Variants in SCML2 observed in about 807,000 individuals in gnomAD.
SCML2 encodes the protein Scm polycomb group protein like 2.
SCML2 carries 6 observed loss-of-function variants against 48.4 expected under a neutral mutation model. The ratio of observed to expected loss-of-function variants is 0.12; its 90% CI spans 0.07 to 0.24. SCML2 has a LOEUF of 0.24. Ranked by LOEUF, SCML2 falls within the 10% of genes least tolerant of loss-of-function variation. The pLI, the probability that SCML2 is intolerant of heterozygous loss-of-function variation, is 1.00. For missense variants in SCML2, 377 were observed against 528.2 expected, an observed-to-expected ratio of 0.71 and a Z score of 2.81; for synonymous variants, 181 against 189.5, an observed-to-expected ratio of 0.95 and a Z score of 0.37.
chrX:18,259,985 T>G (rs1047232899), intron 9 of SCML2, among the ~76,000 whole-genome samples, 186 bp downstream of exon 9: 2 of 112,237 alleles, frequency 1.8e-5, no homozygotes, highest in Non-Finnish European at 3.8e-5. Context: ...ATTTAAAGAC[T>G]TTTTCCTTAA....
chrX:18,344,542 G>A (rs1747685139), intron 1 of SCML2, among the ~76,000 whole-genome samples: 1 of 111,714 alleles, frequency 9.0e-6, no homozygotes, highest in Admixed American at 9.5e-5. Context: ...GAGGGAACCG[G>A]TGGGAGATAA....
chrX:18,301,498 G>A (rs890823371), intron 7 of SCML2, among the ~76,000 whole-genome samples: 3 of 112,500 alleles, frequency 2.7e-5, no homozygotes, highest in African/African-American at 9.7e-5. Context: ...AGGGCTAGGT[G>A]TGGTGGCTCA....
intron 8 of SCML2, among the ~76,000 whole-genome samples, chrX:18,263,132 A>G (rs777602307): frequency 1.9e-5 from 2 of 103,266 alleles, no homozygotes; most frequent in East Asian, 6.3e-4. Flanking sequence ...TTTTAGCTAT[A>G]ATTCTTTGCA....
chrX:18,327,001 G>A (rs1412339698), intron 3 of SCML2, among the ~76,000 whole-genome samples: 2 of 111,382 alleles, frequency 1.8e-5, no homozygotes, highest in Non-Finnish European at 3.8e-5. Flanking sequence ...CAGACCAGAT[G>A]TTTCAGTGAT....
At chrX:18,292,590 T>C (rs1411520758) in intron 7 of SCML2, among the ~76,000 whole-genome samples, 1 of 111,216 alleles carries the variant, frequency 9.0e-6, no homozygotes, top group Admixed American at 9.6e-5. Flanking sequence ...TCATTTTATT[T>C]ACTTTAAAGC....
At chrX:18,283,103 G>A (rs1379579285) in intron 7 of SCML2, among the ~76,000 whole-genome samples, 2 of 111,894 alleles carry the variant, frequency 1.8e-5, no homozygotes, top group Admixed American at 1.9e-4. Context: ...AATTCACCAC[G>A]ATCAAGCAGG....
rs762879933 is a variant in SCML2, at chrX:18,250,697, AAATCAACT to A, written c.1457-2823_1457-2816del. 4.5e-3 allele frequency among the ~76,000 whole-genome samples: 499 copies of A among 110,985 alleles called. 5 individuals are homozygous for A. The highest frequency in any genetic ancestry group is 0.015 in the African/African-American group (469 of 30,488). On this transcript the variant is annotated intron_variant, in intron 11 of 14. Transcript: ENST00000251900. ...TGTACCCGACCTAGACAAATACTTT[AAATCAACT>A]ATTATAAATATTTTCAAGGACCTAA...
chrX:18,306,407 A>G (rs1363176620), intron 6 of SCML2, among the ~76,000 whole-genome samples: 1 of 111,549 alleles, frequency 9.0e-6, no homozygotes, highest in African/African-American at 3.3e-5. Flanking sequence ...CCCAGTTTAA[A>G]GCCCAGTTCT....
At chrX:18,312,821 G>A (rs1928994891) in intron 6 of SCML2, among the ~76,000 whole-genome samples, 1 of 111,116 alleles carries the variant, frequency 9.0e-6, no homozygotes, top group African/African-American at 3.3e-5. Flanking sequence ...AATCTGAGTT[G>A]GGAGTAAGAG....
At chrX:18,350,986 C>G (rs1278965945) in intron 1 of SCML2, among the ~76,000 whole-genome samples, 1 of 110,784 alleles carries the variant, frequency 9.0e-6, no homozygotes, top group Non-Finnish European at 1.9e-5. Flanking sequence ...ATTACCAACA[C>G]GGCCGGGCGT....
chrX:18,273,478 C>T (rs183735233), intron 7 of SCML2, among the ~76,000 whole-genome samples: 4 of 111,478 alleles, frequency 3.6e-5, no homozygotes, highest in East Asian at 5.6e-4. Context: ...TCTTGATGAA[C>T]GACATTACCT....
intron 7 of SCML2, among the ~76,000 whole-genome samples, chrX:18,279,639 A>G (rs1338674324): frequency 8.9e-6 from 1 of 112,008 alleles, no homozygotes; most frequent in Non-Finnish European, 1.9e-5. Flanking sequence ...GTGAGAGGTG[A>G]AAGACAAAAT....
At chrX:18,278,844 A>G (rs1053658846) in intron 7 of SCML2, among the ~76,000 whole-genome samples, 1 of 112,886 alleles carries the variant, frequency 8.9e-6, no homozygotes, top group African/African-American at 3.2e-5. Context: ...GCAACTAGGG[A>G]GTATACAGCT....
chrX:18,341,313 C>T, intron 1 of SCML2: 1 of 461,311 alleles, frequency 2.2e-6, no homozygotes, highest in African/African-American at 2.4e-5. Flanking sequence ...ACCAAAGAGG[C>T]CATTGAGCAG....
At chrX:18,282,772 A>G (rs1308098335) in intron 7 of SCML2, among the ~76,000 whole-genome samples, 1 of 111,948 alleles carries the variant, frequency 8.9e-6, no homozygotes, top group Non-Finnish European at 1.9e-5. Context: ...GACTAGACCA[A>G]TATCATGCTC....
chrX:18,295,677 T>G (rs377675786), intron 7 of SCML2, among the ~76,000 whole-genome samples: 8 of 87,337 alleles, frequency 9.2e-5, no homozygotes, highest in African/African-American at 3.6e-4. Flanking sequence ...TTGGACCAGA[T>G]GACACCGGTG....
chrX:18,341,420 T>G, intron 1 of SCML2: 3 of 210,191 alleles, frequency 1.4e-5, no homozygotes. Flanking sequence ...CACCACAAGA[T>G]GGACACAAGC....
At chrX:18,309,083 C>T (rs1237491030) in intron 6 of SCML2, among the ~76,000 whole-genome samples, 1 of 108,817 alleles carries the variant, frequency 9.2e-6, no homozygotes, top group Non-Finnish European at 1.9e-5. Context: ...GGTGGCTAGT[C>T]CCAGCTACTT....
At chrX:18,333,310 CAG>C (rs1408636757) in intron 2 of SCML2, among the ~76,000 whole-genome samples, 1 of 111,240 alleles carries the variant, frequency 9.0e-6, no homozygotes, top group East Asian at 2.8e-4. Flanking sequence ...TAAAAAAAGA[CAG>C]AGAGAGATAA....
Sources: allele counts gnomAD v4.1 joint callset (sites outside exome capture counted in the v4.1 genomes callset), GRCh38; gene constraint gnomAD v4.1.1; transcripts MANE v1.5; gene names NCBI Gene and HGNC (gene_info 2026-07-23, HGNC 2026-07-21).